The following ARHGEF28 variants were observed in gnomAD, a reference collection of about 807,000 sequenced individuals.
The protein encoded by ARHGEF28 is Rho guanine nucleotide exchange factor 28, also known as 190 kDa guanine nucleotide exchange factor.
In ARHGEF28, 152 loss-of-function variants were observed where a neutral mutation model predicts 206.6. The observed-to-expected ratio is 0.74, with a 90% CI of 0.64 to 0.84. ARHGEF28 has a LOEUF of 0.84. ARHGEF28 is among the 40% of genes least tolerant of loss of function. ARHGEF28 has a pLI of 0.00. For synonymous variants in ARHGEF28, 763 were observed against 776.4 expected, an observed-to-expected ratio of 0.98 and a Z score of 0.29; for missense variants, 2,028 against 2,073.2, an observed-to-expected ratio of 0.98 and a Z score of 0.42.
intron 10 of ARHGEF28, among the ~76,000 whole-genome samples, chr5:73,839,591 G>C (rs1757861695): frequency 1.3e-5 from 2 of 152,150 alleles, no homozygotes; most frequent in African/African-American, 4.8e-5. Context: ...TGTGGGTTGA[G>C]CTTTCTCTTT....
intron 1 of ARHGEF28, among the ~76,000 whole-genome samples, chr5:73,658,390 T>C (rs1745365208): frequency 6.6e-6 from 1 of 152,044 alleles, no homozygotes; most frequent in South Asian, 2.1e-4. Context: ...AGGGTAACAC[T>C]GAAAAGGGAG....
intron 35 of ARHGEF28, 57 bp from the exon 36 acceptor site, chr5:73,940,787 A>G (rs140417930): frequency 3.7e-6 from 5 of 1,338,294 alleles, no homozygotes; most frequent in African/African-American, 1.5e-5. Context: ...ACGCCAAGAC[A>G]TCTGCCTTGT....
intron 10 of ARHGEF28, among the ~76,000 whole-genome samples, chr5:73,837,237 TGTA>T (rs145962118): frequency 0.012 from 1,839 of 152,278 alleles, 27 homozygotes; most frequent in African/African-American, 0.039. Context: ...AAATAGAATC[TGTA>T]GTTCACTTTG....
intron 35 of ARHGEF28, among the ~76,000 whole-genome samples, chr5:73,924,610 C>A (rs1193126131): frequency 6.6e-6 from 1 of 152,238 alleles, no homozygotes; most frequent in Admixed American, 6.5e-5. Context: ...GCTCTGGGGA[C>A]CAGAGAGACT....
intron 4 of ARHGEF28, among the ~76,000 whole-genome samples, chr5:73,762,546 T>C (rs1356221712): frequency 6.6e-6 from 1 of 152,098 alleles, no homozygotes; most frequent in African/African-American, 2.4e-5. Context: ...TACTCCCATC[T>C]TCCCATCTGC....
chr5:73,740,307 G>C (rs1255456816), intron 2 of ARHGEF28, among the ~76,000 whole-genome samples: 2 of 151,900 alleles, frequency 1.3e-5, no homozygotes, highest in Admixed American at 1.3e-4. Context: ...TTATATACCA[G>C]ATATTATAGA....
intron 1 of ARHGEF28, among the ~76,000 whole-genome samples, chr5:73,647,807 C>T (rs1580437395): frequency 6.6e-6 from 1 of 152,218 alleles, no homozygotes; most frequent in East Asian, 1.9e-4. Flanking sequence ...CTCTTAATTA[C>T]TCTCTACTCC....
At chr5:73,925,385 C>T (rs895473306) in intron 35 of ARHGEF28, among the ~76,000 whole-genome samples, 1 of 152,232 alleles carries the variant, frequency 6.6e-6, no homozygotes, top group Non-Finnish European at 1.5e-5. Flanking sequence ...CTCTCCTCCA[C>T]CTTTTACTCT....
chr5:73,919,380 T>C (rs1282835715), intron 35 of ARHGEF28, among the ~76,000 whole-genome samples: 1 of 152,188 alleles, frequency 6.6e-6, no homozygotes, highest in African/African-American at 2.4e-5. Flanking sequence ...ATCACCAGAA[T>C]TGTTTTGGGG....
At chr5:73,724,330 G>T (rs1329158556) in intron 2 of ARHGEF28, among the ~76,000 whole-genome samples, 1 of 152,116 alleles carries the variant, frequency 6.6e-6, no homozygotes, top group Non-Finnish European at 1.5e-5. Flanking sequence ...TTTTGAGAAA[G>T]AATTGCCCAG....
intron 10 of ARHGEF28, among the ~76,000 whole-genome samples, chr5:73,838,898 T>C (rs184872807): frequency 6.6e-6 from 1 of 152,080 alleles, no homozygotes; most frequent in Non-Finnish European, 1.5e-5. Flanking sequence ...AAAAGAAAAT[T>C]CCATTACATG....
At chr5:73,695,955 G>C (rs541847912) in intron 2 of ARHGEF28, among the ~76,000 whole-genome samples, 1 of 152,124 alleles carries the variant, frequency 6.6e-6, no homozygotes, top group Non-Finnish European at 1.5e-5. Context: ...AGCTGTTTTC[G>C]TTCCATATCC....
intron 26 of ARHGEF28, among the ~76,000 whole-genome samples, chr5:73,888,583 A>G (rs1761442345): frequency 6.6e-6 from 1 of 152,206 alleles, no homozygotes; most frequent in African/African-American, 2.4e-5. Flanking sequence ...AAAACCAAAG[A>G]CCTAAAAGAA....
intron 1 of ARHGEF28, among the ~76,000 whole-genome samples, chr5:73,639,248 A>G (rs1743919308): frequency 6.7e-6 from 1 of 148,600 alleles, no homozygotes; most frequent in South Asian, 2.1e-4. Flanking sequence ...TATATATAAT[A>G]TATATACATC....
At chr5:73,883,199 A>G (rs1377400576) in intron 23 of ARHGEF28, among the ~76,000 whole-genome samples, 1 of 152,088 alleles carries the variant, frequency 6.6e-6, no homozygotes, top group Non-Finnish European at 1.5e-5. Context: ...TGTTGAAGAA[A>G]TTTGTCTTAT....
At chr5:73,794,742 G>A (rs1403553538) in intron 8 of ARHGEF28, among the ~76,000 whole-genome samples, 2 of 151,798 alleles carry the variant, frequency 1.3e-5, no homozygotes, top group Non-Finnish European at 2.9e-5. Context: ...GAGTAGCTGG[G>A]ACTATAGGCG....
At position 73,633,854 on chromosome 5, in the gene ARHGEF28, G is replaced by A. The variant is rs141307421; in HGVS notation, c.-12+7532G>A. 4.7e-3 allele frequency among the ~76,000 whole-genome samples: 721 copies of A among 152,170 alleles called. 4 individuals are homozygous for A. Among genetic ancestry groups the A allele is most frequent in the Middle Eastern group, 0.01 (3 of 294 alleles). ...GGCCTCCCAACGTGCTGGGGTTACAGGCATGAGCCACCATGCCTGGCCTAA... is the reference window on the plus strand; with the variant it reads ...GGCCTCCCAACGTGCTGGGGTTACAAGCATGAGCCACCATGCCTGGCCTAA... On this transcript the variant is annotated intron_variant, in intron 1 of 35. Transcript: ENST00000513042.
intron 11 of ARHGEF28, among the ~76,000 whole-genome samples, chr5:73,841,589 C>T (rs1010213279): frequency 2.6e-5 from 4 of 151,632 alleles, no homozygotes; most frequent in Non-Finnish European, 5.9e-5. Context: ...ACATGTGGTC[C>T]TGATACTTGG....
intron 4 of ARHGEF28, 44 bp from the exon 5 acceptor site, chr5:73,773,811 T>C: frequency 6.7e-7 from 1 of 1,490,764 alleles, no homozygotes; most frequent in Middle Eastern, 1.8e-4. Context: ...AAACAAACTT[T>C]GTAAATGGAG....
Sources: allele counts gnomAD v4.1 joint callset (sites outside exome capture counted in the v4.1 genomes callset), GRCh38; gene constraint gnomAD v4.1.1; transcripts MANE v1.5; gene names NCBI Gene and HGNC (gene_info 2026-07-23, HGNC 2026-07-21).